ZNF136: variants seen among roughly 807,000 people sequenced by gnomAD.
ZNF136 encodes the protein zinc finger protein 136 (clone pHZ-20).
ZNF136 carries 8 observed loss-of-function variants against 11.4 expected under a neutral mutation model. The observed-to-expected ratio is 0.70, with a 90% CI of 0.41 to 1.27. The LOEUF (loss-of-function observed/expected upper bound fraction) is 1.27, where lower values mean the gene tolerates loss of function less well. Ranked by LOEUF, ZNF136 falls within the 50% of genes most tolerant of loss-of-function variation. The probability of loss-of-function intolerance (pLI) is 0.01; values close to 1 mark genes in which losing one functional copy is unlikely to be tolerated. For missense variants in ZNF136, 590 were observed against 656.5 expected (o/e 0.90, Z 1.11); for synonymous variants, 190 against 207.1 (o/e 0.92, Z 0.71).
At chr19:12,166,209 C>T (rs1204847685) in intron 1 of ZNF136, among the ~76,000 whole-genome samples, 1 of 150,570 alleles carries the variant, frequency 6.6e-6, no homozygotes, top group Non-Finnish European at 1.5e-5. Context: ...GCCTGGGTGA[C>T]AGAGCAAGAC....
At position 12,187,721 on chromosome 19, in the gene ZNF136, A is replaced by G. The variant is rs761997037; in HGVS notation, c.1343A>G (p.Tyr448Cys). ...AGAACTCATACTGGAGAGAAACCCT[A>G]TGAGTGTAAGCAATGTGGGAAAGCC... ...HERTHTGEKP[Y>C]ECKQCGKAFS... The change falls in exon 4 of 4, where the codon TAT becomes TGT. Residue 448 changes from tyrosine (Y) to cysteine (C), a missense_variant. Coordinates refer to ENST00000343979, the MANE Select transcript of ZNF136 (RefSeq NM_003437.5). 9.9e-6 allele frequency: 16 copies of G among 1,613,824 alleles called. No individual in the cohort carries two copies. Among genetic ancestry groups the G allele is most frequent in the South Asian group, 2.2e-5 (2 of 91,056 alleles).
intron 1 of ZNF136, among the ~76,000 whole-genome samples, chr19:12,168,929 T>G (rs1168284656): frequency 6.6e-6 from 1 of 152,088 alleles, no homozygotes; most frequent in Admixed American, 6.6e-5. Context: ...CCACCTGCCT[T>G]GGCCTCCCAA....
At chr19:12,170,398 T>G (rs1352891827) in intron 1 of ZNF136, among the ~76,000 whole-genome samples, 1 of 152,120 alleles carries the variant, frequency 6.6e-6, no homozygotes, top group African/African-American at 2.4e-5. Context: ...AACTTCTTTT[T>G]TTTTTTTTGA....
intron 1 of ZNF136, among the ~76,000 whole-genome samples, chr19:12,177,680 G>A (rs754822361): frequency 3.0e-4 from 46 of 152,160 alleles, no homozygotes; most frequent in Non-Finnish European, 5.6e-4. Flanking sequence ...AGTCATTCTC[G>A]CAGGTGTGAT....
chr19:12,168,203 G>T (rs113423827), intron 1 of ZNF136, among the ~76,000 whole-genome samples: 2,211 of 151,158 alleles, frequency 0.015, 49 homozygotes, highest in African/African-American at 0.051. Context: ...CTCCCAAGTA[G>T]CTGGGATTAT....
intron 1 of ZNF136, among the ~76,000 whole-genome samples, chr19:12,170,892 A>G (rs969013607): frequency 6.7e-6 from 1 of 149,572 alleles, no homozygotes; most frequent in Non-Finnish European, 1.5e-5. Flanking sequence ...CTGGAGTGCA[A>G]TGGCAAAATC....
rs1190415889 is a variant in ZNF136, at chr19:12,177,754, A to C, written c.4-8031A>C. Among the ~76,000 whole-genome samples the C allele has an allele frequency of 2.0e-5, 3 of 152,244 alleles. No individual in the cohort carries two copies. The East Asian group carries it at 5.8e-4, about 29-fold the overall frequency. Reference sequence around the variant, plus strand: ...TGAGATGTTAAACATTTTTTCATGAATGTCTTTGTCATTTATATTTGCTCT... The same window carrying C: ...TGAGATGTTAAACATTTTTTCATGACTGTCTTTGTCATTTATATTTGCTCT... On this transcript the variant is annotated intron_variant, in intron 1 of 3. Coordinates refer to ENST00000343979, the MANE Select transcript of ZNF136 (RefSeq NM_003437.5).
At chr19:12,179,772 A>G (rs1261469161) in intron 1 of ZNF136, among the ~76,000 whole-genome samples, 1 of 152,240 alleles carries the variant, frequency 6.6e-6, no homozygotes, top group African/African-American at 2.4e-5. Flanking sequence ...GAGTGGCGCT[A>G]AGTTTATTAC....
chr19:12,183,529 T>G (rs1157753052), intron 1 of ZNF136, among the ~76,000 whole-genome samples: 1 of 151,926 alleles, frequency 6.6e-6, no homozygotes, highest in African/African-American at 2.4e-5. Context: ...TCACTCTTCA[T>G]TATGGCTTCA....
At chr19:12,181,584 T>G (rs1408452454) in intron 1 of ZNF136, among the ~76,000 whole-genome samples, 1 of 151,886 alleles carries the variant, frequency 6.6e-6, no homozygotes, top group African/African-American at 2.4e-5. Flanking sequence ...GCGATTTTCC[T>G]GCCTCAGCCT....
In ZNF136 at chr19:12,187,897, A is replaced by G; in HGVS notation, c.1519A>G (p.Lys507Glu). The G allele has an allele frequency of 6.3e-7, 1 of 1,597,550 alleles. No individual in the cohort carries two copies. Among genetic ancestry groups the G allele is most frequent in the Non-Finnish European group, 8.5e-7 (1 of 1,174,774 alleles). Reference protein sequence around the residue: ...THTGQKPYHCKECGKAYSCRA... With the variant: ...THTGQKPYHCEECGKAYSCRA... ...CACTGGACAGAAACCCTATCATTGC[A>G]AGGAATGTGGGAAAGCCTATTCTTG... Residue 507 changes from lysine (K) to glutamate (E), a missense_variant, in exon 4 of 4, where the codon AAG (lysine) becomes GAG (glutamate). Transcript: ENST00000343979.
Position 12,189,514 on chromosome 19 carries a change from C to T in ZNF136, c.*1513C>T, listed in dbSNP as rs1915202314. ...GGGACTACAGGCATGTGCCACCACA[C>T]CTGGCTAATTTTTTGTATTTCTAGT... On this transcript the variant is annotated 3_prime_UTR_variant, in exon 4 of 4. Transcript: ENST00000343979. 1 of 152,062 alleles carries T rather than the reference C, an allele frequency of 6.6e-6. No individual in the cohort carries two copies. The highest frequency in any genetic ancestry group is 1.5e-5 in the Non-Finnish European group (1 of 68,042). The allele number at this position is 152,062 out of a possible 1,614,324, so 9.4% of individuals were successfully genotyped here.
intron 1 of ZNF136, among the ~76,000 whole-genome samples, chr19:12,174,536 C>T (rs1193342463): frequency 2.0e-5 from 3 of 152,278 alleles, no homozygotes; most frequent in African/African-American, 7.2e-5. Flanking sequence ...TTCAAATCCT[C>T]GATGTATGTT....
intron 1 of ZNF136, among the ~76,000 whole-genome samples, chr19:12,175,963 AT>A (rs151236789): frequency 2.0e-5 from 3 of 152,012 alleles, no homozygotes; most frequent in African/African-American, 7.3e-5. Context: ...TGATCATGAA[AT>A]TTTTTTTAAA....
At chr19:12,185,006 G>C (rs1439246234) in intron 1 of ZNF136, 2 of 152,184 alleles carry the variant, frequency 1.3e-5, no homozygotes, top group Non-Finnish European at 2.9e-5. Context: ...CAGGCCAGTG[G>C]TGTTAGATAA....
At chr19:12,186,032 C>T in intron 2 of ZNF136, 82 bp from the exon 3 acceptor site, 3 of 1,592,006 alleles carry the variant, frequency 1.9e-6, no homozygotes, top group Non-Finnish European at 1.7e-6. Flanking sequence ...CAGGCATAGT[C>T]ACAGGGTATC....
intron 1 of ZNF136, among the ~76,000 whole-genome samples, chr19:12,176,958 C>A (rs1914811731): frequency 6.6e-6 from 1 of 152,216 alleles, no homozygotes; most frequent in African/African-American, 2.4e-5. Context: ...GATGGGGAGA[C>A]AGAGGCTGTG....
In ZNF136 at chr19:12,163,129, A is replaced by C; in HGVS notation, c.-75A>C. The C allele has an allele frequency of 7.2e-7, 1 of 1,381,258 alleles. No homozygotes were observed. The highest frequency in any genetic ancestry group is 9.4e-7 in the Non-Finnish European group (1 of 1,058,946). 85.6% of individuals were successfully genotyped at this position (1,381,258 alleles called of 1,614,324 possible). ...CAGAGGCCCAGAGTGGCTCGCCTGG[A>C]GTCTCTGTGGCGCGGTTTCCTGTAC... On this transcript the variant is annotated 5_prime_UTR_variant, in exon 1 of 4. Transcript: ENST00000343979.
Position 12,185,663 on chromosome 19 carries a change from C to T in ZNF136, c.4-122C>T, listed in dbSNP as rs559409010. ...GTGTGGAAGGAAGTGAGTATGATGA[C>T]CAAACAGTGGAGTAAATGTTTGCAG... On this transcript the variant is annotated intron_variant, in intron 1 of 3. Transcript: ENST00000343979. 2.3e-6 allele frequency: 3 copies of T among 1,307,658 alleles called. No homozygotes were observed. In the African/African-American group the frequency reaches 4.5e-5, roughly 20 times the overall value. The allele number at this position is 1,307,658 out of a possible 1,614,324, so 81.0% of individuals were successfully genotyped here. A position where few individuals can be genotyped will look rare whatever the true frequency, so the allele number is the denominator to read the frequency against.
Sources: allele counts gnomAD v4.1 joint callset (sites outside exome capture counted in the v4.1 genomes callset), GRCh38; gene constraint gnomAD v4.1.1; transcripts MANE v1.5; gene names NCBI Gene and HGNC (gene_info 2026-07-23, HGNC 2026-07-21).